Variants in RBMS1 observed in about 807,000 individuals in gnomAD.
RBMS1 encodes the protein RNA-binding motif, single-stranded-interacting protein 1.
A neutral mutation model predicts 62.3 loss-of-function variants in RBMS1; 17 were observed. The observed-to-expected ratio is 0.27, with a 90% CI of 0.19 to 0.41. The LOEUF (loss-of-function observed/expected upper bound fraction) is 0.41, where lower values mean the gene tolerates loss of function less well. RBMS1 is among the 10% of genes least tolerant of loss of function. The pLI is 1.00. For missense variants in RBMS1, 334 were observed against 504.5 expected (o/e 0.66, Z 3.24); for synonymous variants, 172 against 170.0 (o/e 1.01, Z -0.09).
At position 160,272,552 on chromosome 2, in the gene RBMS1, T is replaced by C. The variant is rs1378764684; in HGVS notation, c.*2220A>G. ...ACGAGTATGGCACTTAGTTCAGACA[T>C]TTCTAGCAGCAGATTTCCCCTCCCC... On this transcript the variant is annotated 3_prime_UTR_variant, in exon 14 of 14. Coordinates refer to ENST00000348849, the MANE Select transcript of RBMS1 (RefSeq NM_016836.4). 2 of 152,236 alleles carry C rather than the reference T, an allele frequency of 1.3e-5. No individual in the cohort carries two copies. Among genetic ancestry groups the C allele is most frequent in the East Asian group, 1.9e-4 (1 of 5,164 alleles). 9.4% of individuals were successfully genotyped at this position (152,236 alleles called of 1,614,324 possible).
chr2:160,325,457 A>G (rs187659791), intron 2 of RBMS1, among the ~76,000 whole-genome samples: 157 of 151,522 alleles, frequency 1.0e-3, no homozygotes, highest in Admixed American at 2.0e-3. Context: ...ATTTGAGGAA[A>G]CCCCCTCTTG....
intron 1 of RBMS1, among the ~76,000 whole-genome samples, chr2:160,430,313 T>C (rs1010835286): frequency 6.6e-6 from 1 of 152,238 alleles, no homozygotes; most frequent in Non-Finnish European, 1.5e-5. Context: ...TAATAGATAA[T>C]TGAAACAATA....
intron 6 of RBMS1, among the ~76,000 whole-genome samples, chr2:160,298,091 A>G (rs1689031676): frequency 6.6e-6 from 1 of 152,230 alleles, no homozygotes; most frequent in South Asian, 2.1e-4. Context: ...AAATTAAACT[A>G]GGCAGTGGCA....
At chr2:160,464,413 CAT>C (rs1440833944) in intron 1 of RBMS1, among the ~76,000 whole-genome samples, 1 of 152,110 alleles carries the variant, frequency 6.6e-6, no homozygotes, top group Non-Finnish European at 1.5e-5. Context: ...GATTTAAAAA[CAT>C]AAAATACAGT....
intron 1 of RBMS1, among the ~76,000 whole-genome samples, chr2:160,451,668 G>A (rs913567088): frequency 6.6e-6 from 1 of 152,112 alleles, no homozygotes; most frequent in African/African-American, 2.4e-5. Flanking sequence ...GAGTGCAGTG[G>A]TGCAATCTCG....
Position 160,274,220 on chromosome 2 carries a change from CAGAA to C in RBMS1, c.*548_*551del, listed in dbSNP as rs1687710640. 1 of 152,534 alleles carries C rather than the reference CAGAA, an allele frequency of 6.6e-6. No individual in the cohort carries two copies. The highest frequency in any genetic ancestry group is 2.4e-5 in the African/African-American group (1 of 41,414). The allele number at this position is 152,534 out of a possible 1,614,324, so 9.4% of individuals were successfully genotyped here. ...ACTTCACACTACGTTGAAAGAAAGA[CAGAA>C]AGCTAAGAAAAGAGACACTGACGGC... On this transcript the variant is annotated 3_prime_UTR_variant, in exon 14 of 14. Coordinates refer to ENST00000348849, the MANE Select transcript of RBMS1 (RefSeq NM_016836.4).
At chr2:160,310,327 G>A (rs1366145128) in intron 4 of RBMS1, among the ~76,000 whole-genome samples, 1 of 152,084 alleles carries the variant, frequency 6.6e-6, no homozygotes, top group Non-Finnish European at 1.5e-5. Context: ...TGCTTTTTAG[G>A]CTGTGATGTC....
intron 1 of RBMS1, among the ~76,000 whole-genome samples, chr2:160,479,868 C>A (rs1285998122): frequency 2.6e-5 from 4 of 152,150 alleles, no homozygotes; most frequent in Non-Finnish European, 5.9e-5. Flanking sequence ...TCCTACTCAA[C>A]CTAGGCTAAC....
rs1690337597 is a variant in RBMS1 at position 160,318,229 on chromosome 2, T to TAAAAAAAAAAAAAAAAAAAAAAGAA, written c.252-3_252-2insTTCTTTTTTTTTTTTTTTTTTTTTT. 1.1e-5 allele frequency: 13 copies of TAAAAAAAAAAAAAAAAAAAAAAGAA among 1,164,712 alleles called. No individual in the cohort carries two copies. The highest frequency in any genetic ancestry group is 6.1e-5 in the South Asian group (3 of 49,564). The allele number at this position is 1,164,712 out of a possible 1,614,324, so 72.1% of individuals were successfully genotyped here. On this transcript the variant is annotated splice_polypyrimidine_tract_variant and splice_region_variant and intron_variant, in intron 2 of 13. Coordinates refer to ENST00000348849, the MANE Select transcript of RBMS1 (RefSeq NM_016836.4). ...TTTGTGGAGACTATTTTCCCATATCTAAAAAAAAAAAAAAAAAAAAAAAGG... is the reference window on the plus strand; with the variant it reads ...TTTGTGGAGACTATTTTCCCATATCTAAAAAAAAAAAAAAAAAAAAAAGAAAAAAAAAAAAAAAAAAAAAAAAAGG...
chr2:160,447,284 G>A (rs1477376349), intron 1 of RBMS1, among the ~76,000 whole-genome samples: 1 of 152,068 alleles, frequency 6.6e-6, no homozygotes, highest in Non-Finnish European at 1.5e-5. Flanking sequence ...GAGATTTTAT[G>A]CCCAGGCCAA....
chr2:160,443,844 T>C (rs1394278155), intron 1 of RBMS1, among the ~76,000 whole-genome samples: 1 of 152,208 alleles, frequency 6.6e-6, no homozygotes, highest in East Asian at 1.9e-4. Flanking sequence ...AATAGAATAT[T>C]GGTCAATGAA....
Position 160,479,015 on chromosome 2 carries a change from A to G in RBMS1, c.75+14274T>C, listed in dbSNP as rs559358714. On this transcript the variant is annotated intron_variant, in intron 1 of 13. Transcript: ENST00000348849. ...GGTGAACGAAAGGGTTGGCTTCAAC[A>G]GAGAGAGGTGGTGTTTAATCAGAGC... 2.6e-5 allele frequency among the ~76,000 whole-genome samples: 4 copies of G among 152,340 alleles called. No homozygotes were observed. In the East Asian group the frequency reaches 7.7e-4, roughly 29 times the overall value.
intron 1 of RBMS1, among the ~76,000 whole-genome samples, chr2:160,368,342 A>T (rs187118850): frequency 1.3e-5 from 2 of 152,230 alleles, no homozygotes; most frequent in Admixed American, 1.3e-4. Flanking sequence ...ACTCAAGGAC[A>T]TCACTCATGA....
intron 1 of RBMS1, among the ~76,000 whole-genome samples, chr2:160,388,428 G>C (rs868331167): frequency 2.6e-5 from 4 of 152,058 alleles, no homozygotes; most frequent in African/African-American, 9.7e-5. Flanking sequence ...GTACGGTGAG[G>C]GGTAAAACCA....
intron 1 of RBMS1, among the ~76,000 whole-genome samples, chr2:160,490,948 A>G (rs1239065632): frequency 1.3e-5 from 2 of 152,204 alleles, no homozygotes; most frequent in African/African-American, 4.8e-5. Context: ...TAAAGCACAC[A>G]CAGAGGCAAG....
intron 2 of RBMS1, among the ~76,000 whole-genome samples, chr2:160,328,160 T>C (rs1165015330): frequency 6.6e-6 from 1 of 152,164 alleles, no homozygotes; most frequent in Non-Finnish European, 1.5e-5. Flanking sequence ...ATCTGTAAAG[T>C]TGTATGATAA....
chr2:160,409,188 C>A (rs1260308916), intron 1 of RBMS1, among the ~76,000 whole-genome samples: 1 of 151,862 alleles, frequency 6.6e-6, no homozygotes, highest in Non-Finnish European at 1.5e-5. Context: ...CATACTCAGG[C>A]TCTTCCAACA....
chr2:160,476,469 G>A (rs1042719217), intron 1 of RBMS1, among the ~76,000 whole-genome samples: 2 of 151,492 alleles, frequency 1.3e-5, no homozygotes, highest in African/African-American at 4.9e-5. Context: ...CAAAAAATAT[G>A]GATTCAATTC....
At chr2:160,358,198 G>A (rs59889859) in intron 2 of RBMS1, among the ~76,000 whole-genome samples, 14,736 of 152,128 alleles carry the variant, frequency 0.097, 985 homozygotes, top group East Asian at 0.26. Flanking sequence ...GGATGATTGC[G>A]AAGGTTCTGT....
Sources: allele counts gnomAD v4.1 joint callset (sites outside exome capture counted in the v4.1 genomes callset), GRCh38; gene constraint gnomAD v4.1.1; transcripts MANE v1.5; gene names NCBI Gene and HGNC (gene_info 2026-07-23, HGNC 2026-07-21).